The following SHC4 variants were observed in gnomAD, a reference collection of about 807,000 sequenced individuals.
SHC4 encodes the protein SHC adaptor protein 4, also known as SHC-transforming protein 4.
SHC4 carries 41 observed loss-of-function variants against 69.4 expected under a neutral mutation model. The observed-to-expected ratio is 0.59, with a 90% CI of 0.46 to 0.77. The LOEUF is 0.77. Ranked by LOEUF, SHC4 falls within the 30% of genes least tolerant of loss-of-function variation. SHC4 has a pLI of 0.00. For missense variants in SHC4, 777 were observed against 783.8 expected, an observed-to-expected ratio of 0.99 and a Z score of 0.10; for synonymous variants, 318 against 299.3, an observed-to-expected ratio of 1.06 and a Z score of -0.64.
chr15:48,882,092 T>A (rs1899957294), intron 4 of SHC4, among the ~76,000 whole-genome samples: 1 of 152,196 alleles, frequency 6.6e-6, no homozygotes, highest in African/African-American at 2.4e-5. Flanking sequence ...CTTCCAGTGG[T>A]AGCATTAAGG....
chr15:48,849,463 T>C (rs960951709), intron 9 of SHC4, among the ~76,000 whole-genome samples: 1 of 152,238 alleles, frequency 6.6e-6, no homozygotes, highest in African/African-American at 2.4e-5. Flanking sequence ...TGTGTCTTCC[T>C]GGCTAAACTG....
intron 10 of SHC4, among the ~76,000 whole-genome samples, chr15:48,839,887 A>G (rs1191368931): frequency 6.6e-6 from 1 of 152,208 alleles, no homozygotes; most frequent in Admixed American, 6.5e-5. Flanking sequence ...CTTTCATTAC[A>G]TTACAGAACT....
intron 11 of SHC4, among the ~76,000 whole-genome samples, chr15:48,834,017 AT>A (rs1898856053): frequency 6.6e-6 from 1 of 152,130 alleles, no homozygotes; most frequent in Non-Finnish European, 1.5e-5. Context: ...CATCTTGCTG[AT>A]GTCACCACTC....
chr15:48,946,827 G>A (rs1392523626), intron 1 of SHC4, among the ~76,000 whole-genome samples: 1 of 152,228 alleles, frequency 6.6e-6, no homozygotes, highest in Non-Finnish European at 1.5e-5. Flanking sequence ...AAGATTTGGT[G>A]TTGAATAAGA....
At chr15:48,923,555 A>G (rs1260796565) in intron 2 of SHC4, among the ~76,000 whole-genome samples, 1 of 150,734 alleles carries the variant, frequency 6.6e-6, no homozygotes, top group Non-Finnish European at 1.5e-5. Flanking sequence ...AAAAAAAAAA[A>G]AAAAACAAAA....
At chr15:48,927,129 T>G (rs1900868115) in intron 1 of SHC4, among the ~76,000 whole-genome samples, 1 of 152,238 alleles carries the variant, frequency 6.6e-6, no homozygotes, top group African/African-American at 2.4e-5. Flanking sequence ...AAAGCCCATC[T>G]CAGAATTGTC....
intron 2 of SHC4, among the ~76,000 whole-genome samples, chr15:48,896,584 T>TGCTG (rs1172315671): frequency 6.6e-6 from 1 of 152,116 alleles, no homozygotes; most frequent in Non-Finnish European, 1.5e-5. Flanking sequence ...CCTTTCAAAG[T>TGCTG]GCTGGGATTA....
chr15:48,835,347 G>A (rs1440818578), intron 10 of SHC4, among the ~76,000 whole-genome samples: 1 of 152,138 alleles, frequency 6.6e-6, no homozygotes. Context: ...TGTCCTAGGG[G>A]TTGCATGTTA....
At chr15:48,903,747 GTGTTTGTTTGTT>G (rs746093202) in intron 2 of SHC4, among the ~76,000 whole-genome samples, 1 of 152,050 alleles carries the variant, frequency 6.6e-6, no homozygotes, top group South Asian at 2.1e-4. Context: ...CCAATATTAC[GTGTTTGTTTGTT>G]TGTTTGTTTC....
At chr15:48,874,333 A>G (rs2140995447) in intron 4 of SHC4, among the ~76,000 whole-genome samples, 1 of 152,254 alleles carries the variant, frequency 6.6e-6, no homozygotes, top group East Asian at 1.9e-4. Flanking sequence ...GTCCATGGTG[A>G]GAAGAACTAG....
chr15:48,847,095 A>T (rs963106156), intron 9 of SHC4, among the ~76,000 whole-genome samples: 1 of 151,452 alleles, frequency 6.6e-6, no homozygotes, highest in Non-Finnish European at 1.5e-5. Flanking sequence ...AGAAAAGCCC[A>T]CCCCAGACTC....
rs1280245866 is a variant in SHC4, at chr15:48,962,989, C to T, written c.27G>A (p.Leu9=). The change falls in exon 1 of 12, where the codon CTG becomes CTA. Residue 9 remains leucine, a synonymous_variant. Coordinates refer to ENST00000332408, the MANE Select transcript of SHC4 (RefSeq NM_203349.4). MRERGQDS[L]AGLVLYVGLF... ...GTCCTACATACAGCACGAGTCCTGC[C>T]AGGCTGTCCTGGCCGCGTTCTCGCA... is the stretch of plus-strand genomic sequence containing the variant. 6.2e-7 allele frequency: 1 copy of T among 1,610,440 alleles called. No individual in the cohort carries two copies. The highest frequency in any genetic ancestry group is 1.7e-5 in the Admixed American group (1 of 59,810).
intron 11 of SHC4, among the ~76,000 whole-genome samples, chr15:48,834,408 A>G (rs1324767570): frequency 6.6e-6 from 1 of 152,200 alleles, no homozygotes; most frequent in East Asian, 1.9e-4. Context: ...TTTATATTAT[A>G]ATTATTTAAG....
chr15:48,910,224 A>G (rs191154562), intron 2 of SHC4, among the ~76,000 whole-genome samples: 56 of 152,106 alleles, frequency 3.7e-4, no homozygotes, highest in Admixed American at 1.2e-3. Context: ...TTAAGTTACC[A>G]TTTCAATCTC....
chr15:48,902,940 A>G lies in SHC4; in HGVS notation c.657-12129T>C, dbSNP rs1900342851. 2.6e-5 allele frequency among the ~76,000 whole-genome samples: 4 copies of G among 152,220 alleles called. No individual in the cohort carries two copies. The South Asian group carries it at 8.3e-4, about 32-fold the overall frequency. Reference sequence around the variant, plus strand: ...GTGCTAACAAGCTGCTGCCAGAGTTATGCCCCCTTAAACTTGCATACACTT... The same window carrying G: ...GTGCTAACAAGCTGCTGCCAGAGTTGTGCCCCCTTAAACTTGCATACACTT... On this transcript the variant is annotated intron_variant, in intron 2 of 11. Coordinates refer to ENST00000332408, the MANE Select transcript of SHC4 (RefSeq NM_203349.4).
intron 2 of SHC4, among the ~76,000 whole-genome samples, chr15:48,911,979 A>G (rs1355037025): frequency 1.3e-5 from 2 of 152,174 alleles, no homozygotes; most frequent in African/African-American, 2.4e-5. Context: ...TTAATCTAAT[A>G]GGTTTTCCTT....
intron 2 of SHC4, among the ~76,000 whole-genome samples, chr15:48,898,720 T>C (rs773112194): frequency 1.3e-5 from 2 of 152,170 alleles, no homozygotes; most frequent in Non-Finnish European, 2.9e-5. Flanking sequence ...TAACGGACAT[T>C]AAGTGCTGGT....
In SHC4 at chr15:48,907,840, G is replaced by GTGTGTGTGTA. The variant is rs763689321; in HGVS notation, c.657-17030_657-17029insTACACACACA. Among the ~76,000 whole-genome samples the GTGTGTGTGTA allele has an allele frequency of 1.1e-4, 16 of 142,196 alleles. 1 individual carries two copies. The highest frequency in any genetic ancestry group is 4.2e-4 in the African/African-American group (16 of 38,010). 93.3% of individuals were successfully genotyped at this position (142,196 alleles called of 152,430 possible). On this transcript the variant is annotated intron_variant, in intron 2 of 11. Transcript: ENST00000332408. ...TGTGTGTGTGTGTGTGTGTGTGTGT[G>GTGTGTGTGTA]TATATATATATATATGTATATGTAT... is the stretch of plus-strand genomic sequence containing the variant.
chr15:48,866,859 G>A lies in SHC4; in HGVS notation c.946+959C>T, dbSNP rs532867901. 1.1e-4 allele frequency among the ~76,000 whole-genome samples: 17 copies of A among 152,320 alleles called. No homozygotes were observed. The South Asian group carries it at 3.5e-3, about 32-fold the overall frequency. Reference sequence around the variant, plus strand: ...CAACCAATACGTTCTAGTTAAGGAGGAACCTAACACTTCTCCCTAAGAGGA... The same window carrying A: ...CAACCAATACGTTCTAGTTAAGGAGAAACCTAACACTTCTCCCTAAGAGGA... On this transcript the variant is annotated intron_variant, in intron 6 of 11. Coordinates refer to ENST00000332408, the MANE Select transcript of SHC4 (RefSeq NM_203349.4).
Sources: gnomAD v4.1 joint callset for allele counts (sites outside exome capture counted in the v4.1 genomes callset) on GRCh38, gnomAD v4.1.1 for gene constraint, MANE v1.5 for transcripts, NCBI Gene and HGNC (gene_info 2026-07-23, HGNC 2026-07-21) for gene names.